Variants in SGCZ observed in about 807,000 individuals in gnomAD.
The protein encoded by SGCZ is sarcoglycan zeta, also known as zeta-sarcoglycan.
SGCZ carries 40 observed loss-of-function variants against 41.3 expected under a neutral mutation model. The ratio of observed to expected loss-of-function variants is 0.97; its 90% CI spans 0.75 to 1.26. The LOEUF (loss-of-function observed/expected upper bound fraction) is 1.26, where lower values mean the gene tolerates loss of function less well. Ranked by LOEUF, SGCZ falls within the 50% of genes most tolerant of loss-of-function variation. The pLI, the probability that SGCZ is intolerant of heterozygous loss-of-function variation, is 0.00. For missense variants in SGCZ, 552 were observed against 369.8 expected (o/e 1.49, Z -4.04); for synonymous variants, 206 against 137.5 (o/e 1.50, Z -3.49).
chr8:14,764,441 G>A (rs1272164537), intron 1 of SGCZ, among the ~76,000 whole-genome samples: 1 of 152,140 alleles, frequency 6.6e-6, no homozygotes, highest in African/African-American at 2.4e-5. Context: ...TTCAATAACA[G>A]AATAAACTGA....
At chr8:15,166,325 G>A (rs1444936172) in intron 1 of SGCZ, among the ~76,000 whole-genome samples, 1 of 149,380 alleles carries the variant, frequency 6.7e-6, no homozygotes, top group Non-Finnish European at 1.5e-5. Flanking sequence ...TCAGCTCACT[G>A]CAAGCTCTGC....
chr8:14,479,735 T>C (rs1207399718), intron 2 of SGCZ, among the ~76,000 whole-genome samples: 1 of 16,444 alleles, frequency 6.1e-5, no homozygotes, highest in East Asian at 1.8e-3. Flanking sequence ...CTACTTCTTT[T>C]TTTTTTTTTT....
chr8:14,534,340 C>T (rs1221729131), intron 2 of SGCZ, among the ~76,000 whole-genome samples: 1 of 141,596 alleles, frequency 7.1e-6, no homozygotes, highest in Non-Finnish European at 1.6e-5. Flanking sequence ...CTCTTTCTGT[C>T]TAAACTCTCT....
At chr8:14,661,660 C>G (rs942358279) in intron 1 of SGCZ, among the ~76,000 whole-genome samples, 1 of 152,086 alleles carries the variant, frequency 6.6e-6, no homozygotes, top group Non-Finnish European at 1.5e-5. Flanking sequence ...ATTCAGAGCT[C>G]TGAAATCACA....
At chr8:14,800,236 C>T (rs1313897607) in intron 1 of SGCZ, among the ~76,000 whole-genome samples, 1 of 152,060 alleles carries the variant, frequency 6.6e-6, no homozygotes, top group African/African-American at 2.4e-5. Flanking sequence ...TAGGAAAAAT[C>T]AGGTACATTA....
intron 1 of SGCZ, among the ~76,000 whole-genome samples, chr8:14,643,600 C>T (rs912389635): frequency 1.5e-4 from 22 of 151,146 alleles, no homozygotes; most frequent in South Asian, 6.2e-4. Context: ...ATAATGACTC[C>T]ACCTCCAACC....
chr8:14,943,762 G>T (rs1359990327), intron 1 of SGCZ, among the ~76,000 whole-genome samples: 2 of 152,030 alleles, frequency 1.3e-5, no homozygotes, highest in Non-Finnish European at 2.9e-5. Flanking sequence ...CCTGGTTTCT[G>T]TTTTTCCCCT....
chr8:15,118,044 C>T (rs1457868944), intron 1 of SGCZ, among the ~76,000 whole-genome samples: 1 of 152,142 alleles, frequency 6.6e-6, no homozygotes, highest in Admixed American at 6.5e-5. Flanking sequence ...CTTGTGATTG[C>T]AGTTCGTCTT....
At chr8:14,216,589 G>C (rs1294694540) in intron 4 of SGCZ, among the ~76,000 whole-genome samples, 1 of 152,072 alleles carries the variant, frequency 6.6e-6, no homozygotes, top group Non-Finnish European at 1.5e-5. Context: ...ATTTATTCTA[G>C]GTATGCCAGG....
intron 1 of SGCZ, among the ~76,000 whole-genome samples, chr8:15,219,544 A>T (rs1437109718): frequency 6.6e-6 from 1 of 152,206 alleles, no homozygotes; most frequent in African/African-American, 2.4e-5. Context: ...TTCATCCCAG[A>T]CTATGATGGG....
chr8:14,686,776 T>C (rs922402274), intron 1 of SGCZ, among the ~76,000 whole-genome samples: 2 of 152,068 alleles, frequency 1.3e-5, no homozygotes, highest in Admixed American at 6.6e-5. Flanking sequence ...AAATATGTAA[T>C]GATTGCAAAA....
intron 4 of SGCZ, among the ~76,000 whole-genome samples, chr8:14,176,731 C>T (rs530204155): frequency 6.6e-6 from 1 of 152,132 alleles, no homozygotes; most frequent in Non-Finnish European, 1.5e-5. Flanking sequence ...CGATACCCAG[C>T]CTAGGAGCAG....
At chr8:14,402,726 G>C (rs1360721741) in intron 2 of SGCZ, among the ~76,000 whole-genome samples, 1 of 147,196 alleles carries the variant, frequency 6.8e-6, no homozygotes, top group Non-Finnish European at 1.5e-5. Context: ...GTAGTGTGAT[G>C]CCTCCAGCTT....
At chr8:14,160,578 T>C (rs1804014344) in intron 5 of SGCZ, among the ~76,000 whole-genome samples, 1 of 152,190 alleles carries the variant, frequency 6.6e-6, no homozygotes, top group African/African-American at 2.4e-5. Flanking sequence ...ATAAGTATCA[T>C]TATACTAAGA....
intron 3 of SGCZ, among the ~76,000 whole-genome samples, chr8:14,266,373 C>A (rs1177881177): frequency 1.3e-5 from 2 of 151,988 alleles, no homozygotes; most frequent in African/African-American, 4.8e-5. Flanking sequence ...ATGTTTCACA[C>A]ACTTCCACAG....
At chr8:14,324,326 G>A in intron 2 of SGCZ, 122 bp from the exon 3 acceptor site, 2 of 717,332 alleles carry the variant, frequency 2.8e-6, no homozygotes, top group Non-Finnish European at 4.9e-6. Context: ...TAAGGAAAAT[G>A]AGAGATTGAA....
chr8:14,521,812 G>T (rs1239084328), intron 2 of SGCZ, among the ~76,000 whole-genome samples: 1 of 152,046 alleles, frequency 6.6e-6, no homozygotes, highest in Non-Finnish European at 1.5e-5. Flanking sequence ...AGAGTGATGA[G>T]AGTAGTTATC....
At chr8:14,619,192 C>T (rs1370202345) in intron 1 of SGCZ, among the ~76,000 whole-genome samples, 1 of 152,004 alleles carries the variant, frequency 6.6e-6, no homozygotes, top group African/African-American at 2.4e-5. Context: ...ACAAAAAGCA[C>T]ATGATTATCT....
intron 5 of SGCZ, among the ~76,000 whole-genome samples, chr8:14,137,859 A>G (rs1803249377): frequency 6.6e-6 from 1 of 152,134 alleles, no homozygotes; most frequent in Non-Finnish European, 1.5e-5. Flanking sequence ...AAGAAGAGCA[A>G]CCCCAAGACA....
Sources: allele counts gnomAD v4.1 joint callset (sites outside exome capture counted in the v4.1 genomes callset), GRCh38; gene constraint gnomAD v4.1.1; transcripts MANE v1.5; gene names NCBI Gene and HGNC (gene_info 2026-07-23, HGNC 2026-07-21).